POLL: variants seen among roughly 807,000 people sequenced by gnomAD.
The protein encoded by POLL is DNA polymerase lambda, also known as DNA polymerase beta-2.
In POLL, 44 loss-of-function variants were observed where a neutral mutation model predicts 58.1. That is an observed-to-expected ratio of 0.76 (90% confidence interval 0.60 to 0.97). The LOEUF (loss-of-function observed/expected upper bound fraction) is 0.97, where lower values mean the gene tolerates loss of function less well. Among genes scored for constraint, POLL ranks in the 50% least tolerant of loss-of-function variants. The pLI is 0.00. For synonymous variants in POLL, 290 were observed against 283.2 expected (o/e 1.02, Z -0.24); for missense variants, 632 against 736.8 (o/e 0.86, Z 1.65).
Position 101,587,364 on chromosome 10 carries a change from A to C in POLL, c.-4T>G. The C allele has an allele frequency of 6.2e-7, 1 of 1,613,938 alleles. No individual in the cohort carries two copies. Among genetic ancestry groups the C allele is most frequent in the African/African-American group, 1.3e-5 (1 of 75,044 alleles). The stretch of plus-strand genomic sequence containing the variant: ...TCAAGATACCCCTGGGATCCATTGA[A>C]GTATGGCTGGATCCCGGCCTATTGG... On this transcript the variant is annotated 5_prime_UTR_variant, in exon 2 of 9. Transcript: ENST00000370162.
chr10:101,587,581 C>A, intron 1 of POLL, 175 bp from the exon 2 acceptor site: 1 of 1,267,472 alleles, frequency 7.9e-7, no homozygotes, highest in Non-Finnish European at 1.0e-6. Context: ...ACTCCCCAGC[C>A]TTTCGAAGTT....
At position 101,583,737 on chromosome 10, in the gene POLL, A is replaced by G. The variant is rs1198179059; in HGVS notation, c.892-56T>C. ...AAGAGTGAGGAGATGGAAGAGGTAGAGCCAGTGGAAAGGAAGCTGACTCCT... is the reference window on the plus strand; with the variant it reads ...AAGAGTGAGGAGATGGAAGAGGTAGGGCCAGTGGAAAGGAAGCTGACTCCT... On this transcript the variant is annotated intron_variant, in intron 5 of 8. Transcript: ENST00000370162. 36 of 1,533,200 alleles carry G rather than the reference A, an allele frequency of 2.3e-5. No homozygotes were observed. In the East Asian group the frequency reaches 2.7e-4, roughly 12 times the overall value. 95.0% of individuals were successfully genotyped at this position (1,533,200 alleles called of 1,614,324 possible). A position where few individuals can be genotyped will look rare whatever the true frequency, so the allele number is the denominator to read the frequency against.
At chr10:101,582,692 G>T (rs996331699) in intron 7 of POLL, 71 bp downstream of exon 7, 2 of 1,518,912 alleles carry the variant, frequency 1.3e-6, no homozygotes, top group South Asian at 1.1e-5. Flanking sequence ...AGGAGTTGGG[G>T]GTTCTTGGCT....
At chr10:101,585,291 T>C (rs750219907) in intron 4 of POLL, 25 bp downstream of exon 4, 3 of 1,496,342 alleles carry the variant, frequency 2.0e-6, no homozygotes, top group Admixed American at 4.5e-5. Context: ...GGGAAGGGAG[T>C]TCTGAGGGAT....
chr10:101,583,298 C>T (rs1455541040), intron 6 of POLL: 2 of 604,230 alleles, frequency 3.3e-6, no homozygotes, highest in East Asian at 2.7e-5. Flanking sequence ...TCCCTGTCTA[C>T]TCCTTCTTAA....
At chr10:101,587,703 C>A in intron 1 of POLL, 119 bp downstream of exon 1, 2 of 1,079,042 alleles carry the variant, frequency 1.9e-6, no homozygotes, top group Non-Finnish European at 2.4e-6. Context: ...CACAGCCCTG[C>A]TGCGGCCCAC....
Position 101,585,947 on chromosome 10 carries a change from G to T in POLL, c.325C>A (p.Leu109Met). ...AAGCTCAGCCAGGCTGACTTCACCA[G>T]CTGAGCACCCGGGGGCAGCTGGGGT... The part of the protein sequence containing the change: ...RLPQLPPGAQ[L>M]VKSAWLSLCL... Residue 109 changes from leucine (L) to methionine (M), a missense_variant, in exon 3 of 9, where the codon CTG (leucine) becomes ATG (methionine). Physicochemically the swap from Leu to Met is conservative, Grantham distance 15. Transcript: ENST00000370162. 6.2e-7 allele frequency: 1 copy of T among 1,614,018 alleles called. No individual in the cohort carries two copies. The highest frequency in any genetic ancestry group is 8.5e-7 in the Non-Finnish European group (1 of 1,179,916).
chr10:101,584,773 G>T lies in POLL; in HGVS notation c.720C>A (p.Val240=), dbSNP rs377066669. 6 of 1,612,880 alleles carry T rather than the reference G, an allele frequency of 3.7e-6. No homozygotes were observed. Among genetic ancestry groups the T allele is most frequent in the Non-Finnish European group, 5.1e-6 (6 of 1,179,464 alleles). Residue 240 remains valine (V), a synonymous_variant, in exon 5 of 9, where the codon GTC becomes GTA. Coordinates refer to ENST00000370162, the MANE Select transcript of POLL (RefSeq NM_001174084.2). ...SPAPAVLDKW[V]CAQPSSQKAT... ...CCTTCTGGCTTGAGGGCTGTGCACA[G>T]ACCCACTTATCCAGGACAGCAGGGG...
rs534397408 is a variant in POLL at position 101,581,655 on chromosome 10, G to A, written c.1194+1108C>T. Reference sequence around the variant, plus strand: ...TACATCTAGCCCTAAATGCAGTCCAGTGTCTCTCTAATCTAGCTTTTACAT... The same window carrying A: ...TACATCTAGCCCTAAATGCAGTCCAATGTCTCTCTAATCTAGCTTTTACAT... On this transcript the variant is annotated intron_variant, in intron 7 of 8. Coordinates refer to ENST00000370162, the MANE Select transcript of POLL (RefSeq NM_001174084.2). The A allele has an allele frequency of 2.6e-5, 4 of 152,336 alleles. No homozygotes were observed. The South Asian group carries it at 8.3e-4, about 32-fold the overall frequency. The allele number at this position is 152,336 out of a possible 1,614,324, so 9.4% of individuals were successfully genotyped here. A position where few individuals can be genotyped will look rare whatever the true frequency, so the allele number is the denominator to read the frequency against.
chr10:101,583,291 C>G lies in POLL; in HGVS notation c.1065+217G>C, dbSNP rs1253338761. Reference sequence around the variant, plus strand: ...AGACTGAGAAACATACTTCTTGTCCCTGTCTACTCCTTCTTAAGGATACCA... The same window carrying G: ...AGACTGAGAAACATACTTCTTGTCCGTGTCTACTCCTTCTTAAGGATACCA... On this transcript the variant is annotated intron_variant, in intron 6 of 8. Transcript: ENST00000370162. 1.7e-5 allele frequency: 10 copies of G among 601,022 alleles called. No individual in the cohort carries two copies. In the East Asian group the frequency reaches 2.7e-4, roughly 17 times the overall value. The allele number at this position is 601,022 out of a possible 1,614,324, so 37.2% of individuals were successfully genotyped here.
chr10:101,579,495 G>C lies in POLL; in HGVS notation c.1686C>G (p.Leu562=). 1 of 1,613,256 alleles carries C rather than the reference G, an allele frequency of 6.2e-7. No homozygotes were observed. The highest frequency in any genetic ancestry group is 8.5e-7 in the Non-Finnish European group (1 of 1,179,846). The change falls in exon 9 of 9, where the codon CTC becomes CTG. Residue 562 remains leucine (L), a synonymous_variant. Transcript: ENST00000370162. The surrounding 1 kb of genome is among the most constrained non-coding windows in gnomAD (Gnocchi z 4.4). The stretch of plus-strand genomic sequence containing the variant: ...CAGGTTCTCGGTAGGGGAGGCCTAA[G>C]AGCCTGAAGACATCCTTCTCAGTGG... ...PTPTEKDVFR[L]LGLPYREPAE... is the part of the protein sequence containing the mutation.
intron 5 of POLL, among the ~76,000 whole-genome samples, chr10:101,583,999 G>A (rs2063150282): frequency 6.6e-6 from 1 of 151,988 alleles, no homozygotes; most frequent in South Asian, 2.1e-4. Flanking sequence ...ATTTACTGAG[G>A]GCTTACTCTA....
rs763818944 is a variant in POLL, at chr10:101,584,803, G to T, written c.690C>A (p.Ser230Arg). Residue 230 changes from serine to arginine, a missense_variant, in exon 5 of 9, where the codon AGC becomes AGA. Physicochemically the swap from Ser to Arg is moderately radical, Grantham distance 110. Transcript: ENST00000370162. ...PTSLEGDCEP[S>R]PAPAVLDKWV... Reference sequence around the variant, plus strand: ...ACTTATCCAGGACAGCAGGGGCTGGGCTAGGCTCACAATCTCCCTCAAGGG... The same window carrying T: ...ACTTATCCAGGACAGCAGGGGCTGGTCTAGGCTCACAATCTCCCTCAAGGG... The T allele has an allele frequency of 6.3e-7, 1 of 1,596,564 alleles. No homozygotes were observed. The highest frequency in any genetic ancestry group is 1.1e-5 in the South Asian group (1 of 88,664).
At position 101,580,514 on chromosome 10, in the gene POLL, G is replaced by A; in HGVS notation, c.1195-98C>T. On this transcript the variant is annotated intron_variant, in intron 7 of 8. Coordinates refer to ENST00000370162, the MANE Select transcript of POLL (RefSeq NM_001174084.2). The surrounding 1 kb of genome is among the most constrained non-coding windows in gnomAD (Gnocchi z 4.1). ...TCCCAGACTCGGGCCCACACCCTCA[G>A]CTTATGCCCATTCCAGATGCCTGCT... The A allele has an allele frequency of 9.4e-7, 1 of 1,066,862 alleles. No individual in the cohort carries two copies. 66.1% of individuals were successfully genotyped at this position (1,066,862 alleles called of 1,614,324 possible). A position where few individuals can be genotyped will look rare whatever the true frequency, so the allele number is the denominator to read the frequency against.
rs761725740 is a variant in POLL at position 101,579,523 on chromosome 10, G to A, written c.1658C>T (p.Thr553Ile). 1.9e-6 allele frequency: 3 copies of A among 1,613,890 alleles called. No homozygotes were observed. Among genetic ancestry groups the A allele is most frequent in the South Asian group, 2.2e-5 (2 of 91,084 alleles). The change falls in exon 9 of 9, where the codon ACT (threonine) becomes ATT (isoleucine). Residue 553 changes from threonine (T) to isoleucine (I), a missense_variant. Thr to Ile is a moderately conservative substitution (Grantham distance 89). Coordinates refer to ENST00000370162, the MANE Select transcript of POLL (RefSeq NM_001174084.2). This position sits in a 1 kb window ranked among gnomAD's most constrained non-coding sequence, Gnocchi z 4.4. ...CKVGPGRVLP[T>I]PTEKDVFRLL... ...CCTGAAGACATCCTTCTCAGTGGGA[G>A]TGGGCAGCACTCGGCCAGGCCCCAC...
At position 101,585,422 on chromosome 10, in the gene POLL, C is replaced by T. The variant is rs2063267131; in HGVS notation, c.467G>A (p.Gly156Asp). 3 of 1,605,004 alleles carry T rather than the reference C, an allele frequency of 1.9e-6. No homozygotes were observed. The highest frequency in any genetic ancestry group is 4.5e-5 in the East Asian group (2 of 44,606). The change falls in exon 4 of 9, where the codon GGC becomes GAC. Residue 156 changes from glycine to aspartate, a missense_variant. Coordinates refer to ENST00000370162, the MANE Select transcript of POLL (RefSeq NM_001174084.2). ...TGTCTGAAGCAGGGCCTCATGGGTG[C>T]CAGGAGGAATAGAAGCATCCTGCTC... Reference protein sequence around the residue: ...KAEQDASIPPGTHEALLQTAL... With the variant: ...KAEQDASIPPDTHEALLQTAL...
rs149956893 is a variant in POLL, at chr10:101,579,778, C to T, written c.1403G>A (p.Gly468Asp). Residue 468 changes from glycine (G) to aspartate (D), a missense_variant, in exon 9 of 9, where the codon GGT becomes GAT. Transcript: ENST00000370162. The surrounding 1 kb of genome is among the most constrained non-coding windows in gnomAD (Gnocchi z 4.4). ...TDDLVSQEEN[G>D]QQQKYLGVCR... is the part of the protein sequence containing the mutation. ...CACCCCCAAGTACTTCTGTTGCTGA[C>T]CATTCTCCTCTTGGCTCACCAAGTC... 138 of 1,613,754 alleles carry T rather than the reference C, an allele frequency of 8.6e-5. 2 individuals are homozygous for T. The Middle Eastern group carries it at 2.8e-3, about 33-fold the overall frequency.
rs2063092890 is a variant in POLL, at chr10:101,583,044, A to C, written c.1066-153T>G. On this transcript the variant is annotated intron_variant, in intron 6 of 8. Coordinates refer to ENST00000370162, the MANE Select transcript of POLL (RefSeq NM_001174084.2). Reference sequence around the variant, plus strand: ...GGCAGTTGGGTCTGTACTCAGCAGGACTTGGGAAAGGCAGGGAGCATGGGA... The same window carrying C: ...GGCAGTTGGGTCTGTACTCAGCAGGCCTTGGGAAAGGCAGGGAGCATGGGA... 21 of 804,404 alleles carry C rather than the reference A, an allele frequency of 2.6e-5. No individual in the cohort carries two copies. The South Asian group carries it at 2.9e-4, about 11-fold the overall frequency. The allele number at this position is 804,404 out of a possible 1,614,324, so 49.8% of individuals were successfully genotyped here. A position where few individuals can be genotyped will look rare whatever the true frequency, so the allele number is the denominator to read the frequency against.
chr10:101,587,476 A>G (rs1589704786), intron 1 of POLL, 70 bp from the exon 2 acceptor site: 1 of 1,321,008 alleles, frequency 7.6e-7, no homozygotes, highest in Non-Finnish European at 1.0e-6. Flanking sequence ...TTTCCTGACC[A>G]GGCTTTGGGG....
Sources: gnomAD v4.1 joint callset for allele counts (sites outside exome capture counted in the v4.1 genomes callset) on GRCh38, gnomAD v4.1.1 for gene constraint, Gnocchi (gnomAD v3.1) non-coding constraint, MANE v1.5 for transcripts, NCBI Gene and HGNC (gene_info 2026-07-23, HGNC 2026-07-21) for gene names.